The following TRMT9B variants were observed in gnomAD, a reference collection of about 807,000 sequenced individuals.
TRMT9B encodes the protein probable tRNA methyltransferase 9B.
In TRMT9B, 16 loss-of-function variants were observed where a neutral mutation model predicts 11.5. The ratio of observed to expected loss-of-function variants is 1.39; its 90% CI spans 0.94 to 2.11. TRMT9B has a LOEUF of 2.11. TRMT9B is among the 30% of genes most tolerant of loss of function. The pLI is 0.00. For synonymous variants in TRMT9B, 274 were observed against 192.4 expected, an observed-to-expected ratio of 1.42 and a Z score of -3.51; for missense variants, 941 against 553.8, an observed-to-expected ratio of 1.70 and a Z score of -7.02.
At chr8:12,994,733 G>T (rs1808028146) in intron 2 of TRMT9B, among the ~76,000 whole-genome samples, 1 of 152,140 alleles carries the variant, frequency 6.6e-6, no homozygotes, top group Non-Finnish European at 1.5e-5. Flanking sequence ...CCCGGCTGGA[G>T]TGCAGTGGCA....
chr8:13,022,143 C>G lies in TRMT9B; in HGVS notation c.*99C>G, dbSNP rs747354998. 96 of 864,554 alleles carry G rather than the reference C, an allele frequency of 1.1e-4. 2 individuals carry two copies. In the South Asian group the frequency reaches 1.2e-3, roughly 11 times the overall value. The allele number at this position is 864,554 out of a possible 1,614,324, so 53.6% of individuals were successfully genotyped here. On this transcript the variant is annotated 3_prime_UTR_variant, in exon 5 of 5. Transcript: ENST00000524591. Reference sequence around the variant, plus strand: ...TTTGCATTCAGTGTTATTTGTTAATCCATTTACGCTTTGGTCTGCAGAGAC... The same window carrying G: ...TTTGCATTCAGTGTTATTTGTTAATGCATTTACGCTTTGGTCTGCAGAGAC...
chr8:12,960,279 C>A (rs1801918237), intron 1 of TRMT9B: 1 of 152,212 alleles, frequency 6.6e-6, no homozygotes, highest in Admixed American at 6.5e-5. Flanking sequence ...ATTTCAGTCA[C>A]TAGTAGTAAC....
At chr8:12,987,371 TTA>T (rs1806502947) in intron 1 of TRMT9B, among the ~76,000 whole-genome samples, 1 of 152,174 alleles carries the variant, frequency 6.6e-6, no homozygotes, top group African/African-American at 2.4e-5. Flanking sequence ...AATAAACCCA[TTA>T]TAAGTTGAAA....
intron 3 of TRMT9B, among the ~76,000 whole-genome samples, chr8:13,008,563 G>T (rs1373191862): frequency 6.6e-6 from 1 of 152,138 alleles, no homozygotes; most frequent in Non-Finnish European, 1.5e-5. Context: ...CTGCAAATAT[G>T]GAAGCTGTAA....
At chr8:12,947,202 G>T (rs879650269) in intron 1 of TRMT9B, among the ~76,000 whole-genome samples, 4 of 152,172 alleles carry the variant, frequency 2.6e-5, no homozygotes, top group Admixed American at 1.3e-4. Context: ...TATCCCTGTT[G>T]TTGGAATATT....
chr8:12,950,890 T>C (rs575969714), intron 1 of TRMT9B, among the ~76,000 whole-genome samples: 2 of 152,260 alleles, frequency 1.3e-5, no homozygotes, highest in South Asian at 4.1e-4. Context: ...CTCTGCCCCC[T>C]ACGCTGGGGA....
At chr8:13,005,692 G>C (rs927287306) in intron 2 of TRMT9B, among the ~76,000 whole-genome samples, 1 of 152,208 alleles carries the variant, frequency 6.6e-6, no homozygotes, top group Non-Finnish European at 1.5e-5. Flanking sequence ...TTTGCCAGCT[G>C]TTGAAGTAAT....
chr8:12,997,731 T>G (rs1317639364), intron 2 of TRMT9B, among the ~76,000 whole-genome samples: 1 of 152,148 alleles, frequency 6.6e-6, no homozygotes, highest in East Asian at 1.9e-4. Context: ...TGAATATGGG[T>G]GTCCATTTCT....
intron 1 of TRMT9B, among the ~76,000 whole-genome samples, chr8:12,957,040 A>G (rs1193516154): frequency 6.6e-6 from 1 of 152,256 alleles, no homozygotes; most frequent in African/African-American, 2.4e-5. Flanking sequence ...GGAGTGGATA[A>G]CAATAAGGTT....
At chr8:12,955,659 C>T (rs1472708325) in intron 1 of TRMT9B, among the ~76,000 whole-genome samples, 4 of 152,106 alleles carry the variant, frequency 2.6e-5, no homozygotes, top group South Asian at 4.1e-4. Context: ...TTTGCTGTAT[C>T]GAATGTGCTC....
chr8:12,991,709 G>C (rs963870797), intron 2 of TRMT9B, among the ~76,000 whole-genome samples: 1 of 152,132 alleles, frequency 6.6e-6, no homozygotes, highest in African/African-American at 2.4e-5. Flanking sequence ...GAGGCAGGTG[G>C]ATCACCTGAG....
Position 13,022,135 on chromosome 8 carries a change from T to G in TRMT9B, c.*91T>G, listed in dbSNP as rs750143528. ...TACCTGAATTTGCATTCAGTGTTATTTGTTAATCCATTTACGCTTTGGTCT... is the reference window on the plus strand; with the variant it reads ...TACCTGAATTTGCATTCAGTGTTATGTGTTAATCCATTTACGCTTTGGTCT... On this transcript the variant is annotated 3_prime_UTR_variant, in exon 5 of 5. Coordinates refer to ENST00000524591, the MANE Select transcript of TRMT9B (RefSeq NM_020844.3). 3.5e-5 allele frequency: 33 copies of G among 936,448 alleles called. No individual in the cohort carries two copies. In the South Asian group the frequency reaches 5.8e-4, roughly 16 times the overall value. 58.0% of individuals were successfully genotyped at this position (936,448 alleles called of 1,614,324 possible). A position where few individuals can be genotyped will look rare whatever the true frequency, so the allele number is the denominator to read the frequency against.
At chr8:12,988,505 C>T (rs1806733124) in intron 1 of TRMT9B, among the ~76,000 whole-genome samples, 1 of 152,162 alleles carries the variant, frequency 6.6e-6, no homozygotes, top group Non-Finnish European at 1.5e-5. Flanking sequence ...CACAGTTCAG[C>T]ATGGCTGGGG....
intron 1 of TRMT9B, among the ~76,000 whole-genome samples, chr8:12,952,908 T>G (rs957580133): frequency 6.6e-6 from 1 of 152,120 alleles, no homozygotes; most frequent in Non-Finnish European, 1.5e-5. Flanking sequence ...CCTGGCTAAT[T>G]TTTGTATTTT....
intron 1 of TRMT9B, among the ~76,000 whole-genome samples, chr8:12,990,248 C>T (rs993345726): frequency 3.3e-5 from 5 of 152,154 alleles, no homozygotes; most frequent in Non-Finnish European, 1.5e-5. Flanking sequence ...ATGGGCTTTT[C>T]CTATCATATC....
At position 13,025,604 on chromosome 8, in the gene TRMT9B, C is replaced by G. The variant is rs565592883; in HGVS notation, c.*3560C>G. 6.0e-6 allele frequency: 1 copy of G among 167,140 alleles called. No individual in the cohort carries two copies. The highest frequency in any genetic ancestry group is 6.5e-5 in the Admixed American group (1 of 15,296). The allele number at this position is 167,140 out of a possible 1,614,324, so 10.4% of individuals were successfully genotyped here. On this transcript the variant is annotated 3_prime_UTR_variant, in exon 5 of 5. Transcript: ENST00000524591. ...AATCTTCAAAGGATTTGGGGGAAAG[C>G]GCATTAACATGGACAAAGGATGGAA...
intron 1 of TRMT9B, among the ~76,000 whole-genome samples, chr8:12,970,347 C>T (rs1803421008): frequency 6.6e-6 from 1 of 152,194 alleles, no homozygotes; most frequent in African/African-American, 2.4e-5. Context: ...TAGCATTTGC[C>T]CAACTTTTAC....
At chr8:12,965,487 C>G (rs531396116) in intron 1 of TRMT9B, among the ~76,000 whole-genome samples, 1 of 152,308 alleles carries the variant, frequency 6.6e-6, no homozygotes, top group East Asian at 1.9e-4. Context: ...CGTCCAGAAC[C>G]AAGGTGGCCT....
At chr8:13,004,583 T>C (rs142095869) in intron 2 of TRMT9B, among the ~76,000 whole-genome samples, 1 of 151,966 alleles carries the variant, frequency 6.6e-6, no homozygotes, top group East Asian at 1.9e-4. Flanking sequence ...CAACCTGCTG[T>C]CTTGAAGGGA....
Sources: allele counts gnomAD v4.1 joint callset (sites outside exome capture counted in the v4.1 genomes callset), GRCh38; gene constraint gnomAD v4.1.1; transcripts MANE v1.5; gene names NCBI Gene and HGNC (gene_info 2026-07-23, HGNC 2026-07-21).